The following RTN1 variants were observed in gnomAD, a reference collection of about 807,000 sequenced individuals.
RTN1 encodes the protein reticulon-1.
RTN1 carries 25 observed loss-of-function variants against 65.5 expected under a neutral mutation model. The ratio of observed to expected loss-of-function variants is 0.38; its 90% CI spans 0.28 to 0.53. The LOEUF (loss-of-function observed/expected upper bound fraction) is 0.53, where lower values mean the gene tolerates loss of function less well. Among genes scored for constraint, RTN1 ranks in the 20% least tolerant of loss-of-function variants. The pLI is 0.79. For missense variants in RTN1, 983 were observed against 1,025.4 expected, an observed-to-expected ratio of 0.96 and a Z score of 0.57; for synonymous variants, 471 against 447.6, an observed-to-expected ratio of 1.05 and a Z score of -0.66.
chr14:59,844,906 T>C (rs1471664493), intron 1 of RTN1, among the ~76,000 whole-genome samples: 1 of 152,216 alleles, frequency 6.6e-6, no homozygotes, highest in Non-Finnish European at 1.5e-5. Flanking sequence ...TCTGCTGTAG[T>C]TAAGACTTTA....
chr14:59,710,034 CCTCTTT>C (rs1323830144), intron 3 of RTN1, among the ~76,000 whole-genome samples: 6 of 147,124 alleles, frequency 4.1e-5, no homozygotes, highest in Non-Finnish European at 7.4e-5. Context: ...CTCTCCTCTC[CCTCTTT>C]CTTTCTTTTT....
intron 1 of RTN1, among the ~76,000 whole-genome samples, chr14:59,844,481 T>C (rs1472144176): frequency 6.6e-6 from 1 of 152,250 alleles, no homozygotes; most frequent in African/African-American, 2.4e-5. Flanking sequence ...CAAGAGGTTC[T>C]AGAGAACCTT....
intron 1 of RTN1, among the ~76,000 whole-genome samples, chr14:59,806,005 A>C (rs1039413762): frequency 1.9e-4 from 29 of 152,046 alleles, no homozygotes; most frequent in Admixed American, 1.7e-3. Flanking sequence ...TGGGAGGCTG[A>C]GGTGGGCGGA....
rs1428365731 is a variant in RTN1 at position 59,868,769 on chromosome 14, G to A, written c.241+1621C>T. Among the ~76,000 whole-genome samples, 1 of 152,142 alleles carries A rather than the reference G, an allele frequency of 6.6e-6. No homozygotes were observed. The highest frequency in any genetic ancestry group is 1.5e-5 in the Non-Finnish European group (1 of 68,026). ...GTGGCACTAATAGGAGGTGGGTAAT[G>A]TTTCATAAAGAAACAATTTACTTTG... On this transcript the variant is annotated intron_variant, in intron 1 of 8. Coordinates refer to ENST00000267484, the MANE Select transcript of RTN1 (RefSeq NM_021136.3). This position sits in a 1 kb window ranked among gnomAD's most constrained non-coding sequence, Gnocchi z 4.0.
chr14:59,628,163 C>T (rs945351612), intron 3 of RTN1, among the ~76,000 whole-genome samples: 6 of 152,054 alleles, frequency 3.9e-5, no homozygotes, highest in Admixed American at 6.5e-5. Context: ...AGTGAGACAA[C>T]GTCTCTACAA....
intron 3 of RTN1, among the ~76,000 whole-genome samples, chr14:59,638,000 T>G (rs370445785): frequency 2.6e-5 from 4 of 152,058 alleles, no homozygotes; most frequent in Non-Finnish European, 4.4e-5. Context: ...TACAAGCACC[T>G]GCCACCACGC....
intron 1 of RTN1, among the ~76,000 whole-genome samples, chr14:59,783,491 G>A (rs1190820621): frequency 6.6e-6 from 1 of 152,136 alleles, no homozygotes; most frequent in East Asian, 1.9e-4. Context: ...AGAAAGAGTA[G>A]GTGAGGTCAA....
chr14:59,830,288 T>C (rs1356158699), intron 1 of RTN1, among the ~76,000 whole-genome samples: 1 of 152,220 alleles, frequency 6.6e-6, no homozygotes, highest in African/African-American at 2.4e-5. Context: ...TAAAGATGTT[T>C]TGTGCTGACT....
intron 1 of RTN1, among the ~76,000 whole-genome samples, chr14:59,784,395 C>T (rs758909146): frequency 1.8e-4 from 27 of 150,570 alleles, no homozygotes; most frequent in Non-Finnish European, 3.5e-4. Context: ...GAGCCGAGAT[C>T]GTGCCATTAC....
chr14:59,605,466 T>C lies in RTN1; in HGVS notation c.2014A>G (p.Ile672Val), dbSNP rs1183767599. The C allele has an allele frequency of 6.2e-7, 1 of 1,614,148 alleles. No homozygotes were observed. Among genetic ancestry groups the C allele is most frequent in the East Asian group, 2.2e-5 (1 of 44,888 alleles). The change falls in exon 5 of 9, where the codon ATT (isoleucine) becomes GTT (valine). Residue 672 changes from isoleucine (I) to valine (V), a missense_variant. Ile to Val is a conservative substitution (Grantham distance 29). This residue lies in a region of RTN1 where 165 missense variants were observed against 223.6 expected (regional missense o/e 0.74). Transcript: ENST00000267484. ...ELEITLSQEQ[I>V]QKYTDCLQFY... ...TGCAGGCAGTCCGTGTACTTCTGAA[T>C]CTGCTCCTGAGAAAGGGTGATCTCA...
chr14:59,750,213 T>TATATATTATATCTATA lies in RTN1; in HGVS notation c.242-3748_242-3733dup, dbSNP rs1566713346. On this transcript the variant is annotated intron_variant, in intron 1 of 8. Coordinates refer to ENST00000267484, the MANE Select transcript of RTN1 (RefSeq NM_021136.3). ...TATATTATATCTATAATATATAATA[T>TATATATTATATCTATA]ATATATTATATCTATAATATATATA... Among the ~76,000 whole-genome samples the TATATATTATATCTATA allele has an allele frequency of 1.4e-4, 3 of 21,940 alleles. 1 individual carries two copies. Among genetic ancestry groups the TATATATTATATCTATA allele is most frequent in the African/African-American group, 6.9e-4 (3 of 4,366 alleles). 14.4% of individuals were successfully genotyped at this position (21,940 alleles called of 152,430 possible).
intron 3 of RTN1, among the ~76,000 whole-genome samples, chr14:59,615,448 T>TA (rs1033443022): frequency 6.0e-5 from 9 of 150,868 alleles, no homozygotes; most frequent in East Asian, 3.9e-4. Context: ...AAACTCCATC[T>TA]AAAAAAAAAC....
At chr14:59,680,421 G>C (rs1264128459) in intron 3 of RTN1, among the ~76,000 whole-genome samples, 1 of 152,152 alleles carries the variant, frequency 6.6e-6, no homozygotes, top group Non-Finnish European at 1.5e-5. Context: ...AATAAAAAAG[G>C]AGATAGTTGT....
chr14:59,611,009 C>A (rs1881931338), intron 3 of RTN1, among the ~76,000 whole-genome samples: 1 of 152,118 alleles, frequency 6.6e-6, no homozygotes, highest in African/African-American at 2.4e-5. Context: ...CACTGGCTTC[C>A]CCCCACCCAC....
intron 1 of RTN1, among the ~76,000 whole-genome samples, chr14:59,757,350 A>T (rs188376523): frequency 1.7e-4 from 26 of 152,226 alleles, no homozygotes; most frequent in African/African-American, 5.5e-4. Context: ...TACTGTTCTC[A>T]TGGTAGTGAA....
chr14:59,652,345 A>G (rs1883036252), intron 3 of RTN1, among the ~76,000 whole-genome samples: 1 of 152,226 alleles, frequency 6.6e-6, no homozygotes, highest in South Asian at 2.1e-4. Context: ...ACCCAAAGGA[A>G]TATAAATCAT....
At position 59,596,421 on chromosome 14, in the gene RTN1, C is replaced by G. The variant is rs535104787; in HGVS notation, c.*324G>C. 4.8e-6 allele frequency: 1 copy of G among 206,464 alleles called. No individual in the cohort carries two copies. The highest frequency in any genetic ancestry group is 9.8e-6 in the Non-Finnish European group (1 of 102,550). 12.8% of individuals were successfully genotyped at this position (206,464 alleles called of 1,614,324 possible). On this transcript the variant is annotated 3_prime_UTR_variant, in exon 9 of 9. Transcript: ENST00000267484. Reference sequence around the variant, plus strand: ...TAGCCACGGGGAACATTAGAAGCTACAGAAGCATTGCAGAGAAGAGAAGAA... The same window carrying G: ...TAGCCACGGGGAACATTAGAAGCTAGAGAAGCATTGCAGAGAAGAGAAGAA...
intron 1 of RTN1, among the ~76,000 whole-genome samples, chr14:59,807,028 T>C (rs761978183): frequency 4.6e-5 from 7 of 152,214 alleles, no homozygotes; most frequent in Non-Finnish European, 1.0e-4. Flanking sequence ...GGAAAACCAA[T>C]TTTGTAACTC....
intron 1 of RTN1, among the ~76,000 whole-genome samples, chr14:59,754,399 ATCCTAAAATTCTATTAATAGT>A (rs946170045): frequency 2.0e-5 from 3 of 152,198 alleles, no homozygotes; most frequent in Non-Finnish European, 2.9e-5. Flanking sequence ...AAAAGCTTTA[ATCCTAAAATTCTATTAATAGT>A]TCTTAACGCT....
Sources: gnomAD v4.1 joint callset for allele counts (sites outside exome capture counted in the v4.1 genomes callset) on GRCh38, gnomAD v4.1.1 for gene constraint, gnomAD v4.1.1 regional missense constraint, Gnocchi (gnomAD v3.1) non-coding constraint, MANE v1.5 for transcripts, NCBI Gene and HGNC (gene_info 2026-07-23, HGNC 2026-07-21) for gene names.